Variants in KIT observed in about 807,000 individuals in gnomAD.
KIT encodes the protein mast/stem cell growth factor receptor Kit.
KIT carries 16 observed loss-of-function variants against 105.7 expected under a neutral mutation model. The ratio of observed to expected loss-of-function variants is 0.15; its 90% CI spans 0.10 to 0.23. KIT has a LOEUF of 0.23. KIT is among the 10% of genes least tolerant of loss of function. The pLI is 1.00. For missense variants in KIT, 858 were observed against 1,213.8 expected (o/e 0.71, Z 4.36); for synonymous variants, 438 against 441.1 (o/e 0.99, Z 0.09).
chr4:54,720,393 A>G (rs1010034218), intron 7 of KIT, among the ~76,000 whole-genome samples: 2 of 152,158 alleles, frequency 1.3e-5, no homozygotes, highest in Non-Finnish European at 2.9e-5. Flanking sequence ...CAGCCAGACC[A>G]CACCGTTGCC....
At chr4:54,723,300 C>A (rs1722006144) in intron 7 of KIT, among the ~76,000 whole-genome samples, 10 of 152,126 alleles carry the variant, frequency 6.6e-5, no homozygotes, top group Admixed American at 6.5e-4. Context: ...GTCTTCAGAT[C>A]CCTACTCCCT....
intron 7 of KIT, among the ~76,000 whole-genome samples, chr4:54,722,467 G>A (rs1721939731): frequency 6.6e-6 from 1 of 152,120 alleles, no homozygotes; most frequent in Admixed American, 6.6e-5. Flanking sequence ...TCAAAGAACT[G>A]AGAAATGTAA....
chr4:54,680,123 G>T (rs1249586391), intron 1 of KIT, among the ~76,000 whole-genome samples: 1 of 152,120 alleles, frequency 6.6e-6, no homozygotes, highest in Non-Finnish European at 1.5e-5. Context: ...TAATGCCACT[G>T]AACTGTATAC....
rs1309113537 is a variant in KIT, at chr4:54,738,987, A to G, written c.*430A>G. On this transcript the variant is annotated 3_prime_UTR_variant, in exon 21 of 21. Coordinates refer to ENST00000288135, the MANE Select transcript of KIT (RefSeq NM_000222.3). ...TAGAAGCTGAAAACCTAAGTCCTTTATGTGGAAAACAGAACATCATTAGAA... is the reference window on the plus strand; with the variant it reads ...TAGAAGCTGAAAACCTAAGTCCTTTGTGTGGAAAACAGAACATCATTAGAA... The G allele has an allele frequency of 4.0e-6, 2 of 500,706 alleles. No individual in the cohort carries two copies. The highest frequency in any genetic ancestry group is 7.0e-6 in the Non-Finnish European group (2 of 287,380). The allele number at this position is 500,706 out of a possible 1,614,324, so 31.0% of individuals were successfully genotyped here.
intron 16 of KIT, 142 bp downstream of exon 16, chr4:54,732,140 G>C: frequency 1.0e-6 from 1 of 970,314 alleles, no homozygotes; most frequent in Non-Finnish European, 1.5e-6. Flanking sequence ...ACCAAAAGCA[G>C]AGGAAATTTA....
At chr4:54,712,744 A>AGGAG (rs1427769700) in intron 7 of KIT, among the ~76,000 whole-genome samples, 1 of 152,134 alleles carries the variant, frequency 6.6e-6, no homozygotes, top group East Asian at 1.9e-4. Flanking sequence ...GCCTGTAAGT[A>AGGAG]GGAGGTCTTT....
chr4:54,671,842 C>G (rs1393482073), intron 1 of KIT, among the ~76,000 whole-genome samples: 9 of 152,102 alleles, frequency 5.9e-5, no homozygotes, highest in Non-Finnish European at 5.9e-5. Context: ...CATCTAGCTT[C>G]AACACTTACC....
chr4:54,663,965 G>T (rs1445734331), intron 1 of KIT, among the ~76,000 whole-genome samples: 1 of 152,204 alleles, frequency 6.6e-6, no homozygotes, highest in Admixed American at 6.5e-5. Flanking sequence ...CAGGCTGGGG[G>T]TGGAGGAGGG....
At chr4:54,678,810 T>G (rs949928770) in intron 1 of KIT, among the ~76,000 whole-genome samples, 1 of 152,202 alleles carries the variant, frequency 6.6e-6, no homozygotes, top group Admixed American at 6.5e-5. Flanking sequence ...AATTTCAAAC[T>G]TAAAGGAAAA....
At chr4:54,683,746 C>T (rs1313209940) in intron 1 of KIT, among the ~76,000 whole-genome samples, 1 of 152,150 alleles carries the variant, frequency 6.6e-6, no homozygotes, top group African/African-American at 2.4e-5. Context: ...AACATGTTCT[C>T]TATCTTGGGA....
intron 1 of KIT, among the ~76,000 whole-genome samples, chr4:54,673,554 G>T (rs1168909057): frequency 2.6e-5 from 4 of 152,056 alleles, no homozygotes; most frequent in Non-Finnish European, 5.9e-5. Context: ...GATTTATGCT[G>T]TTCTTCATAG....
At chr4:54,677,811 A>G (rs978982871) in intron 1 of KIT, among the ~76,000 whole-genome samples, 10 of 152,194 alleles carry the variant, frequency 6.6e-5, no homozygotes, top group Admixed American at 3.3e-4. Context: ...AAAATAAGAA[A>G]CTCAGCCTTG....
At chr4:54,725,804 G>A (rs1722179492) in intron 8 of KIT, 53 bp from the exon 9 acceptor site, 1 of 1,477,332 alleles carries the variant, frequency 6.8e-7, no homozygotes, top group Non-Finnish European at 9.4e-7. Flanking sequence ...AGTGTTTTAT[G>A]TATTTATTTA....
intron 1 of KIT, among the ~76,000 whole-genome samples, chr4:54,682,813 G>A (rs991840130): frequency 2.0e-5 from 3 of 149,390 alleles, no homozygotes; most frequent in African/African-American, 5.0e-5. Flanking sequence ...GTGCAGTGAC[G>A]CAATCTCGGC....
chr4:54,682,014 A>T (rs574142264), intron 1 of KIT, among the ~76,000 whole-genome samples: 1 of 152,020 alleles, frequency 6.6e-6, no homozygotes, highest in Non-Finnish European at 1.5e-5. Flanking sequence ...TTATATATTT[A>T]TATTATAAGA....
intron 1 of KIT, among the ~76,000 whole-genome samples, chr4:54,666,016 T>G (rs560378566): frequency 2.0e-5 from 3 of 152,246 alleles, no homozygotes; most frequent in South Asian, 4.2e-4. Context: ...TTAAGGTATG[T>G]TTTTTGTTTT....
At chr4:54,694,386 CTG>C (rs1308836462) in intron 1 of KIT, among the ~76,000 whole-genome samples, 1 of 152,158 alleles carries the variant, frequency 6.6e-6, no homozygotes, top group Non-Finnish European at 1.5e-5. Context: ...GAGTCTTACT[CTG>C]TCACTCAGGC....
rs1723149759 is a variant in KIT, at chr4:54,739,988, A to T, written c.*1431A>T. 4.3e-6 allele frequency: 1 copy of T among 233,452 alleles called. No individual in the cohort carries two copies. The highest frequency in any genetic ancestry group is 5.6e-5 in the Admixed American group (1 of 17,776). 14.5% of individuals were successfully genotyped at this position (233,452 alleles called of 1,614,324 possible). On this transcript the variant is annotated 3_prime_UTR_variant, in exon 21 of 21. Transcript: ENST00000288135. ...ATTTAAATTTTACCCTTTAGACTGT[A>T]GCCTGGATATTATTCTTGTAGTTTA...
chr4:54,665,921 A>C (rs1335154826), intron 1 of KIT, among the ~76,000 whole-genome samples: 2 of 152,216 alleles, frequency 1.3e-5, no homozygotes, highest in African/African-American at 4.8e-5. Context: ...ACTGTGAACC[A>C]GTCTTATGGT....
Sources: allele counts gnomAD v4.1 joint callset (sites outside exome capture counted in the v4.1 genomes callset), GRCh38; gene constraint gnomAD v4.1.1; transcripts MANE v1.5; gene names NCBI Gene and HGNC (gene_info 2026-07-23, HGNC 2026-07-21).